Variants in RBFOX1 observed in about 807,000 individuals in gnomAD.
RBFOX1 encodes the protein RNA binding fox-1 homolog 1, also known as RNA binding protein fox-1 homolog 1.
RBFOX1 carries 8 observed loss-of-function variants against 57.7 expected under a neutral mutation model. The observed-to-expected ratio is 0.14, with a 90% CI of 0.08 to 0.25. The LOEUF (loss-of-function observed/expected upper bound fraction) is 0.25. RBFOX1 is among the 10% of genes least tolerant of loss of function. RBFOX1 has a pLI of 1.00. For synonymous variants in RBFOX1, 326 were observed against 222.4 expected, an observed-to-expected ratio of 1.47 and a Z score of -4.15; for missense variants, 611 against 548.5, an observed-to-expected ratio of 1.11 and a Z score of -1.14.
intron 4 of RBFOX1, among the ~76,000 whole-genome samples, chr16:7,158,805 G>C (rs567925653): frequency 1.3e-5 from 2 of 152,020 alleles, no homozygotes; most frequent in Admixed American, 1.3e-4. Flanking sequence ...CGTTTGTGTG[G>C]TGTTTGTGTC....
chr16:6,658,911 TGTTTTTTTGTTTTTTG>T (rs386788302), intron 3 of RBFOX1, among the ~76,000 whole-genome samples: 8 of 111,992 alleles, frequency 7.1e-5, no homozygotes, highest in Admixed American at 1.1e-4. Flanking sequence ...ACAGGTTTTT[TGTTTTTTTGTTTTTTG>T]GTTTTTTTGT....
chr16:6,842,152 T>TAAAA (rs1165795447), intron 3 of RBFOX1, among the ~76,000 whole-genome samples: 1 of 128,994 alleles, frequency 7.8e-6, no homozygotes, highest in East Asian at 2.4e-4. Flanking sequence ...GAAAAAAAAA[T>TAAAA]AAAAAATAAA....
At chr16:6,741,623 C>G (rs1040708037) in intron 3 of RBFOX1, among the ~76,000 whole-genome samples, 1 of 149,892 alleles carries the variant, frequency 6.7e-6, no homozygotes, top group East Asian at 2.0e-4. Flanking sequence ...GAGCCGAGAT[C>G]ATGCCACTGC....
intron 4 of RBFOX1, among the ~76,000 whole-genome samples, chr16:7,371,465 T>C (rs1205902910): frequency 6.6e-6 from 1 of 152,188 alleles, no homozygotes; most frequent in Non-Finnish European, 1.5e-5. Context: ...TATGCACATA[T>C]ATGGCCAGGT....
chr16:7,323,902 G>A (rs1603620812), intron 4 of RBFOX1, among the ~76,000 whole-genome samples: 1 of 151,482 alleles, frequency 6.6e-6, no homozygotes, highest in East Asian at 1.9e-4. Context: ...AATGAATGAT[G>A]AGTGGATGGG....
intron 4 of RBFOX1, among the ~76,000 whole-genome samples, chr16:7,429,015 T>C (rs1353873876): frequency 6.6e-6 from 1 of 152,172 alleles, no homozygotes; most frequent in Admixed American, 6.5e-5. Flanking sequence ...TTGTCCTTGA[T>C]TCTACTGTGA....
At chr16:7,266,036 G>A (rs996120671) in intron 4 of RBFOX1, among the ~76,000 whole-genome samples, 2 of 137,044 alleles carry the variant, frequency 1.5e-5, no homozygotes, top group African/African-American at 2.9e-5. Context: ...GTGCAGTGGC[G>A]CTATCTTGGC....
chr16:6,121,966 C>T (rs1322398116), intron 1 of RBFOX1, among the ~76,000 whole-genome samples: 1 of 152,138 alleles, frequency 6.6e-6, no homozygotes, highest in African/African-American at 2.4e-5. Context: ...AGTGCAGTGG[C>T]ATGATCTCTG....
chr16:6,506,788 A>G (rs114499850), intron 2 of RBFOX1, among the ~76,000 whole-genome samples: 84 of 152,060 alleles, frequency 5.5e-4, no homozygotes, highest in African/African-American at 1.9e-3. Flanking sequence ...CTGGGATTAC[A>G]GGCACCAACC....
At chr16:6,720,507 A>C (rs1334774671) in intron 3 of RBFOX1, among the ~76,000 whole-genome samples, 1 of 152,206 alleles carries the variant, frequency 6.6e-6, no homozygotes, top group Non-Finnish European at 1.5e-5. Context: ...CCAGCCAGGG[A>C]TAATTCAGGA....
chr16:5,875,056 C>T (rs1479247451), intron 4 of RBFOX1, among the ~76,000 whole-genome samples: 1 of 152,162 alleles, frequency 6.6e-6, no homozygotes, highest in Non-Finnish European at 1.5e-5. Flanking sequence ...TGGTGAGAGG[C>T]TGACTAACCA....
intron 4 of RBFOX1, among the ~76,000 whole-genome samples, chr16:7,463,390 G>A (rs530658347): frequency 5.3e-5 from 8 of 152,246 alleles, no homozygotes; most frequent in Admixed American, 1.3e-4. Context: ...TGTAATCTCC[G>A]ATACTCGGGA....
chr16:6,169,294 C>G (rs1322731262), intron 1 of RBFOX1, among the ~76,000 whole-genome samples: 1 of 151,848 alleles, frequency 6.6e-6, no homozygotes, highest in African/African-American at 2.4e-5. Flanking sequence ...TAATGGACCA[C>G]TAAGGATTAA....
chr16:5,625,978 A>G (rs1282528116), intron 3 of RBFOX1, among the ~76,000 whole-genome samples: 1 of 151,946 alleles, frequency 6.6e-6, no homozygotes. Context: ...CTGGGTTCAA[A>G]CTATTCTCCT....
At chr16:6,160,931 C>G (rs1420785651) in intron 1 of RBFOX1, among the ~76,000 whole-genome samples, 1 of 152,170 alleles carries the variant, frequency 6.6e-6, no homozygotes, top group Admixed American at 6.5e-5. Flanking sequence ...TTTATCATAT[C>G]ATGACTAGAA....
chr16:5,591,304 T>C (rs1446116987), intron 2 of RBFOX1, among the ~76,000 whole-genome samples: 1 of 150,052 alleles, frequency 6.7e-6, no homozygotes, highest in Non-Finnish European at 1.5e-5. Context: ...CAGGCTGGAG[T>C]GCCATGGCAT....
At chr16:7,388,527 T>G (rs1320529403) in intron 4 of RBFOX1, among the ~76,000 whole-genome samples, 1 of 152,040 alleles carries the variant, frequency 6.6e-6, no homozygotes. Flanking sequence ...TTCCCTGAGC[T>G]TAAGCCCCCT....
rs1445627256 is a variant in RBFOX1 at position 6,788,447 on chromosome 16, T to C, written c.-16+133797T>C. ...CTTTGGACACAGGTGCTGCACTGAT[T>C]TTTTTTTTATTATTATTTATTTATT... On this transcript the variant is annotated intron_variant, in intron 3 of 15. Transcript: ENST00000550418. 4.9e-5 allele frequency among the ~76,000 whole-genome samples: 6 copies of C among 123,680 alleles called. No individual in the cohort carries two copies. The East Asian group carries it at 1.6e-3, about 34-fold the overall frequency. 81.1% of individuals were successfully genotyped at this position (123,680 alleles called of 152,430 possible).
At chr16:5,472,732 C>A (rs1246800728) in intron 2 of RBFOX1, among the ~76,000 whole-genome samples, 1 of 152,174 alleles carries the variant, frequency 6.6e-6, no homozygotes, top group Non-Finnish European at 1.5e-5. Flanking sequence ...CATTTCCTAA[C>A]AGAAGGAATG....
Sources: gnomAD v4.1 joint callset for allele counts (sites outside exome capture counted in the v4.1 genomes callset) on GRCh38, gnomAD v4.1.1 for gene constraint, MANE v1.5 for transcripts, NCBI Gene and HGNC (gene_info 2026-07-23, HGNC 2026-07-21) for gene names.